The following PLXNA2 variants were observed in gnomAD, a reference collection of about 807,000 sequenced individuals.
PLXNA2 encodes plexin A2, also known as plexin-A2.
In PLXNA2, 91 loss-of-function variants were observed where a neutral mutation model predicts 193.5. The ratio of observed to expected loss-of-function variants is 0.47; its 90% CI spans 0.40 to 0.56. PLXNA2 has a LOEUF of 0.56. Among genes scored for constraint, PLXNA2 ranks in the 20% least tolerant of loss-of-function variants. The pLI is 0.00. For synonymous variants in PLXNA2, 997 were observed against 1,027.3 expected (o/e 0.97, Z 0.56); for missense variants, 1,995 against 2,503.2 (o/e 0.80, Z 4.33).
At chr1:208,143,153 A>T (rs1668504951) in intron 3 of PLXNA2, among the ~76,000 whole-genome samples, 1 of 152,214 alleles carries the variant, frequency 6.6e-6, no homozygotes, top group Non-Finnish European at 1.5e-5. Context: ...AGCTTTAAAA[A>T]ATATGAATGC....
chr1:208,185,359 T>C (rs892241554), intron 3 of PLXNA2, among the ~76,000 whole-genome samples: 1 of 152,222 alleles, frequency 6.6e-6, no homozygotes, highest in Non-Finnish European at 1.5e-5. Flanking sequence ...AGGCCTCTCC[T>C]CGCTGCAGAG....
intron 8 of PLXNA2, among the ~76,000 whole-genome samples, chr1:208,093,849 G>T (rs993401377): frequency 6.6e-6 from 1 of 152,150 alleles, no homozygotes; most frequent in Admixed American, 6.5e-5. Flanking sequence ...TTGTAGGGGG[G>T]ATTAGTCTTG....
At chr1:208,132,105 C>T (rs1292880440) in intron 4 of PLXNA2, among the ~76,000 whole-genome samples, 1 of 152,220 alleles carries the variant, frequency 6.6e-6, no homozygotes, top group Non-Finnish European at 1.5e-5. Flanking sequence ...GGTGCTTTTT[C>T]TCCCTGCATT....
At chr1:208,108,594 G>A (rs4844406) in intron 4 of PLXNA2, among the ~76,000 whole-genome samples, 42,619 of 152,096 alleles carry the variant, frequency 0.28, 6,456 homozygotes, top group South Asian at 0.37. Flanking sequence ...AGAAACGCCT[G>A]AGGTGAAAGC....
chr1:208,241,702 G>T (rs1287108871), intron 1 of PLXNA2, among the ~76,000 whole-genome samples: 1 of 152,212 alleles, frequency 6.6e-6, no homozygotes. Context: ...ATTTGCTGAG[G>T]ACAGTGAGGG....
At chr1:208,132,323 G>A (rs1015567738) in intron 4 of PLXNA2, among the ~76,000 whole-genome samples, 7 of 152,160 alleles carry the variant, frequency 4.6e-5, no homozygotes, top group East Asian at 1.9e-4. Context: ...CGGGTGTGGG[G>A]AGAGCAGGAG....
chr1:208,205,003 G>A (rs1670672019), intron 3 of PLXNA2, among the ~76,000 whole-genome samples: 1 of 152,176 alleles, frequency 6.6e-6, no homozygotes, highest in South Asian at 2.1e-4. Context: ...GCTTCTGTGA[G>A]GAGCCCTGCA....
chr1:208,180,274 T>C (rs1011505210), intron 3 of PLXNA2, among the ~76,000 whole-genome samples: 6 of 151,148 alleles, frequency 4.0e-5, no homozygotes, highest in African/African-American at 1.5e-4. Flanking sequence ...AGAAGAAAAA[T>C]GGCCTGTCTT....
rs996033087 is a variant in PLXNA2 at position 208,026,646 on chromosome 1, C to A, written c.*597G>T. 2.9e-5 allele frequency: 2 copies of A among 68,318 alleles called. No homozygotes were observed. Among genetic ancestry groups the A allele is most frequent in the African/African-American group, 8.8e-5 (2 of 22,618 alleles). 4.2% of individuals were successfully genotyped at this position (68,318 alleles called of 1,614,324 possible). A position where few individuals can be genotyped will look rare whatever the true frequency, so the allele number is the denominator to read the frequency against. On this transcript the variant is annotated 3_prime_UTR_variant, in exon 32 of 32. Transcript: ENST00000367033. ...TTGTGCTCATCATTCTTCTTCTCCTCTTTCTCTTTTTTTTTTTTTTTTTAA... is the reference window on the plus strand; with the variant it reads ...TTGTGCTCATCATTCTTCTTCTCCTATTTCTCTTTTTTTTTTTTTTTTTAA...
Position 208,045,218 on chromosome 1 carries a change from G to A in PLXNA2, c.3496-8C>T. 6.2e-7 allele frequency: 1 copy of A among 1,613,468 alleles called. No individual in the cohort carries two copies. The highest frequency in any genetic ancestry group is 8.5e-7 in the Non-Finnish European group (1 of 1,179,458). Reference sequence around the variant, plus strand: ...AGGGCAGAGGTTTTTGCCCTGTAGAGAATAGCAGTCTTTATAGGCATAATT... The same window carrying A: ...AGGGCAGAGGTTTTTGCCCTGTAGAAAATAGCAGTCTTTATAGGCATAATT... On this transcript the variant is annotated splice_region_variant and splice_polypyrimidine_tract_variant and intron_variant, in intron 18 of 31. Transcript: ENST00000367033.
intron 5 of PLXNA2, among the ~76,000 whole-genome samples, chr1:208,102,556 T>G (rs1329742198): frequency 6.6e-6 from 1 of 152,254 alleles, no homozygotes; most frequent in East Asian, 1.9e-4. Context: ...CCCAAGGGTA[T>G]AGGGTCCATG....
rs116235753 is a variant in PLXNA2, at chr1:208,114,104, C to T, written c.1507-10857G>A. Among the ~76,000 whole-genome samples the T allele has an allele frequency of 9.7e-3, 1,479 of 152,272 alleles. 23 individuals are homozygous for T. Among genetic ancestry groups the T allele is most frequent in the African/African-American group, 0.034 (1,422 of 41,540 alleles). On this transcript the variant is annotated intron_variant, in intron 4 of 31. Coordinates refer to ENST00000367033, the MANE Select transcript of PLXNA2 (RefSeq NM_025179.4). Reference sequence around the variant, plus strand: ...AAGTGGGGCCTTTAGGACATCACTGCTCCTGAAAGATACTATAAAAATTAG... The same window carrying T: ...AAGTGGGGCCTTTAGGACATCACTGTTCCTGAAAGATACTATAAAAATTAG...
At position 208,027,199 on chromosome 1, in the gene PLXNA2, A is replaced by G; in HGVS notation, c.*44T>C. 6.6e-7 allele frequency: 1 copy of G among 1,519,306 alleles called. No individual in the cohort carries two copies. Among genetic ancestry groups the G allele is most frequent in the Non-Finnish European group, 9.1e-7 (1 of 1,096,760 alleles). The allele number at this position is 1,519,306 out of a possible 1,614,324, so 94.1% of individuals were successfully genotyped here. A position where few individuals can be genotyped will look rare whatever the true frequency, so the allele number is the denominator to read the frequency against. On this transcript the variant is annotated 3_prime_UTR_variant, in exon 32 of 32. Transcript: ENST00000367033. ...TTCCATCTGAGACTCCCAGTGTGACAGCTTGGACAGGTCCCTCTTCCCAGG... is the reference window on the plus strand; with the variant it reads ...TTCCATCTGAGACTCCCAGTGTGACGGCTTGGACAGGTCCCTCTTCCCAGG...
chr1:208,191,177 A>G (rs1410445774), intron 3 of PLXNA2, among the ~76,000 whole-genome samples: 1 of 152,238 alleles, frequency 6.6e-6, no homozygotes, highest in Non-Finnish European at 1.5e-5. Context: ...GCCCATGGCC[A>G]GCAACAAACA....
intron 1 of PLXNA2, among the ~76,000 whole-genome samples, chr1:208,239,943 G>A (rs1437033112): frequency 1.3e-5 from 2 of 152,158 alleles, no homozygotes; most frequent in Non-Finnish European, 1.5e-5. Flanking sequence ...TTAAGCTGGG[G>A]TGAAGGGGGG....
chr1:208,217,291 G>T lies in PLXNA2; in HGVS notation c.632C>A (p.Ala211Asp), dbSNP rs751151837. The T allele has an allele frequency of 6.2e-7, 1 of 1,614,198 alleles. No homozygotes were observed. The highest frequency in any genetic ancestry group is 1.6e-4 in the Middle Eastern group (1 of 6,062). Residue 211 changes from alanine (A) to aspartate (D), a missense_variant, in exon 2 of 32, where the codon GCC becomes GAC. Ala to Asp is a moderately radical substitution (Grantham distance 126, BLOSUM62 -2). Transcript: ENST00000367033. The surrounding 1 kb of genome is among the most constrained non-coding windows in gnomAD (Gnocchi z 4.7). ...GCTGTGTAGCTCATAGTCGAGCATG[G>T]CTGAGGACTCAGGGTCTCGGGGCAG... ...RKLPRDPESS[A>D]MLDYELHSDF...
intron 10 of PLXNA2, among the ~76,000 whole-genome samples, chr1:208,083,826 C>G (rs1021397892): frequency 6.6e-6 from 1 of 151,030 alleles, no homozygotes; most frequent in African/African-American, 2.4e-5. Context: ...CCTCCCCTCC[C>G]ACCTCCCCTC....
At chr1:208,109,082 C>T (rs1310157267) in intron 4 of PLXNA2, among the ~76,000 whole-genome samples, 1 of 152,186 alleles carries the variant, frequency 6.6e-6, no homozygotes, top group Non-Finnish European at 1.5e-5. Flanking sequence ...CACACGTGTC[C>T]CCTGCTCCTG....
chr1:208,108,842 G>C (rs1189854848), intron 4 of PLXNA2, among the ~76,000 whole-genome samples: 1 of 152,200 alleles, frequency 6.6e-6, no homozygotes, highest in Non-Finnish European at 1.5e-5. Flanking sequence ...AGAGGACAGA[G>C]AGTGGCAGCT....
Sources: allele counts gnomAD v4.1 joint callset (sites outside exome capture counted in the v4.1 genomes callset), GRCh38; gene constraint gnomAD v4.1.1; non-coding constraint Gnocchi (gnomAD v3.1); transcripts MANE v1.5; gene names NCBI Gene and HGNC (gene_info 2026-07-23, HGNC 2026-07-21).